NDUFAF6: variants seen among roughly 807,000 people sequenced by gnomAD.
NDUFAF6 encodes NADH:ubiquinone oxidoreductase complex assembly factor 6.
In NDUFAF6, 45 loss-of-function variants were observed where a neutral mutation model predicts 40.8. That is an observed-to-expected ratio of 1.10 (90% CI 0.87 to 1.42). The LOEUF (loss-of-function observed/expected upper bound fraction) is 1.42, where lower values mean the gene tolerates loss of function less well. Among genes scored for constraint, NDUFAF6 ranks in the 40% most tolerant of loss-of-function variants. The probability of loss-of-function intolerance (pLI) is 0.00; values close to 1 mark genes in which losing one functional copy is unlikely to be tolerated. For missense variants in NDUFAF6, 435 were observed against 418.5 expected (o/e 1.04, Z -0.34); for synonymous variants, 185 against 155.9 (o/e 1.19, Z -1.39).
chr8:95,046,881 T>C, intron 5 of NDUFAF6, 113 bp from the exon 6 acceptor site: 1 of 1,431,408 alleles, frequency 7.0e-7, no homozygotes, highest in Non-Finnish European at 9.7e-7. Context: ...TTTTCAGATG[T>C]AAAACAGGAT....
At chr8:94,915,914 G>C (rs1394955697) in intron 1 of NDUFAF6, among the ~76,000 whole-genome samples, 1 of 152,204 alleles carries the variant, frequency 6.6e-6, no homozygotes, top group East Asian at 1.9e-4. Flanking sequence ...GTATTGGGTG[G>C]TGGGAGAGAT....
intron 1 of NDUFAF6, among the ~76,000 whole-genome samples, chr8:94,925,777 C>T (rs1416689913): frequency 1.3e-5 from 2 of 152,038 alleles, no homozygotes; most frequent in South Asian, 2.1e-4. Flanking sequence ...TGGCCTCAAG[C>T]GATGTGCCTG....
intron 1 of NDUFAF6, among the ~76,000 whole-genome samples, chr8:94,972,317 C>T (rs1036749854): frequency 6.6e-6 from 1 of 152,144 alleles, no homozygotes; most frequent in Non-Finnish European, 1.5e-5. Flanking sequence ...TCTTGGCTCA[C>T]TGCAACCTCT....
rs145119632 is a variant in NDUFAF6 at position 95,109,923 on chromosome 8, C to T, written n.345-5613C>T. Among the ~76,000 whole-genome samples the T allele has an allele frequency of 2.2e-3, 335 of 152,220 alleles. 3 individuals carry two copies. The highest frequency in any genetic ancestry group is 7.7e-3 in the African/African-American group (319 of 41,532). ...TACAAAAAAATTGTGAAGTTGTGTACCAGTATGTTCTTATAAGTATTCTTC... is the reference window on the plus strand; with the variant it reads ...TACAAAAAAATTGTGAAGTTGTGTATCAGTATGTTCTTATAAGTATTCTTC... On this transcript the variant is annotated intron_variant and non_coding_transcript_variant, in intron 4 of 5. Transcript: ENST00000523184.
At chr8:95,002,023 T>A (rs189531184) in intron 2 of NDUFAF6, among the ~76,000 whole-genome samples, 1 of 152,356 alleles carries the variant, frequency 6.6e-6, no homozygotes, top group Admixed American at 6.5e-5. Flanking sequence ...CTTATTTAGT[T>A]GGAAAGAAGT....
At chr8:94,993,006 A>T (rs190972086) in intron 2 of NDUFAF6, among the ~76,000 whole-genome samples, 205 of 152,332 alleles carry the variant, frequency 1.3e-3, no homozygotes, top group Non-Finnish European at 2.3e-3. Flanking sequence ...AAATACCACA[A>T]ATTGCATTAC....
intron 2 of NDUFAF6, among the ~76,000 whole-genome samples, chr8:94,947,843 C>T (rs1822154330): frequency 1.3e-5 from 2 of 152,184 alleles, no homozygotes; most frequent in Admixed American, 1.3e-4. Flanking sequence ...TTAGTAAGGT[C>T]CTGGTTCCAG....
At chr8:95,020,089 C>T (rs1827626390), upstream of NDUFAF6, among the ~76,000 whole-genome samples, 1 of 152,132 alleles carries the variant, frequency 6.6e-6, no homozygotes, top group Non-Finnish European at 1.5e-5. Context: ...ATCCCAGCTA[C>T]TTGGGAGGCT....
upstream of NDUFAF6, among the ~76,000 whole-genome samples, chr8:94,957,134 T>C (rs1823154569): frequency 6.6e-6 from 1 of 152,120 alleles, no homozygotes; most frequent in Non-Finnish European, 1.5e-5. Flanking sequence ...ATCATGCCAC[T>C]ACACTCCAGT....
intron 1 of NDUFAF6, among the ~76,000 whole-genome samples, chr8:94,920,034 C>G (rs1470692859): frequency 6.6e-6 from 1 of 152,062 alleles, no homozygotes; most frequent in Non-Finnish European, 1.5e-5. Flanking sequence ...TGTTAAAATA[C>G]TCTTCTTGGA....
chr8:95,012,099 G>A (rs945554714), intron 2 of NDUFAF6, among the ~76,000 whole-genome samples: 1 of 152,096 alleles, frequency 6.6e-6, no homozygotes, highest in Non-Finnish European at 1.5e-5. Context: ...GCACATCACT[G>A]GCCTGAAAAT....
At chr8:95,045,141 G>A (rs1830587778) in intron 4 of NDUFAF6, among the ~76,000 whole-genome samples, 2 of 152,078 alleles carry the variant, frequency 1.3e-5, no homozygotes, top group African/African-American at 4.8e-5. Flanking sequence ...TTCTTCATTT[G>A]TAAAATGGGA....
chr8:94,991,509 T>C (rs944298177), intron 2 of NDUFAF6, among the ~76,000 whole-genome samples: 2 of 152,174 alleles, frequency 1.3e-5, no homozygotes, highest in African/African-American at 4.8e-5. Flanking sequence ...ATAATAATAA[T>C]AGCCTCAGAT....
chr8:95,038,057 A>C (rs549774725), intron 3 of NDUFAF6, among the ~76,000 whole-genome samples: 1 of 151,970 alleles, frequency 6.6e-6, no homozygotes, highest in South Asian at 2.1e-4. Flanking sequence ...CTAATTAAAA[A>C]ATTTTTTTTC....
chr8:95,025,328 G>C (rs912306573), intron 1 of NDUFAF6, 123 bp downstream of exon 1: 17 of 1,029,780 alleles, frequency 1.7e-5, no homozygotes, highest in Non-Finnish European at 2.2e-5. Flanking sequence ...GCCCCTCTGG[G>C]TGTGCGTTCT....
chr8:94,992,498 A>G (rs1325205076), intron 2 of NDUFAF6, among the ~76,000 whole-genome samples: 1 of 152,210 alleles, frequency 6.6e-6, no homozygotes, highest in African/African-American at 2.4e-5. Context: ...AAAAGAAAAA[A>G]AAATGACATG....
chr8:94,966,866 G>A (rs1824052752), intron 1 of NDUFAF6, among the ~76,000 whole-genome samples: 1 of 152,174 alleles, frequency 6.6e-6, no homozygotes, highest in Non-Finnish European at 1.5e-5. Context: ...GCCAAGTGGG[G>A]CTGCTTTTAA....
chr8:95,040,878 C>G (rs990511030), intron 3 of NDUFAF6: 3 of 152,152 alleles, frequency 2.0e-5, no homozygotes, highest in Non-Finnish European at 4.4e-5. Context: ...TCTCGAGAGC[C>G]CTGATTCCTT....
At chr8:95,087,064 CT>C (rs1416416650) in intron 2 of NDUFAF6, among the ~76,000 whole-genome samples, 1 of 151,066 alleles carries the variant, frequency 6.6e-6, no homozygotes, top group Non-Finnish European at 1.5e-5. Context: ...TACAACTTTT[CT>C]TTTGCCTTTT....
Sources: allele counts gnomAD v4.1 joint callset (sites outside exome capture counted in the v4.1 genomes callset), GRCh38; gene constraint gnomAD v4.1.1; transcripts MANE v1.5; gene names NCBI Gene and HGNC (gene_info 2026-07-23, HGNC 2026-07-21).